ARHGAP11A: variants seen among roughly 807,000 people sequenced by gnomAD.
ARHGAP11A encodes rho GTPase-activating protein 11A.
ARHGAP11A carries 36 observed loss-of-function variants against 60.5 expected under a neutral mutation model. The observed-to-expected ratio is 0.59, with a 90% CI of 0.46 to 0.79. ARHGAP11A has a LOEUF of 0.79. Ranked by LOEUF, ARHGAP11A falls within the 30% of genes least tolerant of loss-of-function variation. ARHGAP11A has a pLI of 0.00. For synonymous variants in ARHGAP11A, 362 were observed against 415.5 expected, an observed-to-expected ratio of 0.87 and a Z score of 1.57; for missense variants, 1,071 against 1,199.2, an observed-to-expected ratio of 0.89 and a Z score of 1.58.
upstream of ARHGAP11A, chr15:32,615,452 G>T (rs2140432467): frequency 6.6e-6 from 1 of 151,994 alleles, no homozygotes. Context: ...CCAATCAGAT[G>T]TGGAGCGCTG....
At chr15:32,618,268 A>G (rs1232399792) in intron 1 of ARHGAP11A, among the ~76,000 whole-genome samples, 1 of 142,238 alleles carries the variant, frequency 7.0e-6, no homozygotes, top group Non-Finnish European at 1.6e-5. Context: ...TATTCTAAAT[A>G]ATAAGACTTA....
rs369362748 is a variant in ARHGAP11A at position 32,636,452 on chromosome 15, C to T, written c.1679C>T (p.Pro560Leu). The change falls in exon 12 of 12, where the codon CCT becomes CTT. Residue 560 changes from proline to leucine, a missense_variant. By Grantham distance (98) the Pro-to-Leu change is moderately conservative (BLOSUM62 -3). Around this residue, in one of 4 missense-constraint regions of ARHGAP11A, gnomAD observed 776 missense variants for 760.2 expected, o/e 1.02. Transcript: ENST00000361627. ...LEPDIMVEKSPATSCELTPSN... is the reference protein window; with the variant it reads ...LEPDIMVEKSLATSCELTPSN... ...CCTGATATTATGGTAGAAAAGTCAC[C>T]TGCTACTTCATGTGAACTCACCCCT... The T allele has an allele frequency of 5.6e-6, 9 of 1,613,778 alleles. No individual in the cohort carries two copies. The East Asian group carries it at 1.1e-4, about 20-fold the overall frequency.
chr15:32,619,550 GT>G (rs1371619925), intron 1 of ARHGAP11A, among the ~76,000 whole-genome samples: 4 of 151,600 alleles, frequency 2.6e-5, no homozygotes, highest in Non-Finnish European at 5.9e-5. Context: ...GCAGGGCATG[GT>G]TTGAAAAGCA....
At chr15:32,622,042 T>G (rs1201779125) in intron 2 of ARHGAP11A, among the ~76,000 whole-genome samples, 1 of 152,308 alleles carries the variant, frequency 6.6e-6, no homozygotes, top group East Asian at 1.9e-4. Flanking sequence ...GTAGATTCAC[T>G]GTCTTCTTAG....
At chr15:32,629,422 G>A (rs2053539315) in intron 7 of ARHGAP11A, among the ~76,000 whole-genome samples, 173 bp from the exon 8 acceptor site, 1 of 147,918 alleles carries the variant, frequency 6.8e-6, no homozygotes, top group African/African-American at 2.5e-5. Flanking sequence ...TTTCATTTAA[G>A]TAATTGCAGA....
chr15:32,622,990 A>G (rs1014274714), intron 2 of ARHGAP11A, among the ~76,000 whole-genome samples: 5 of 151,392 alleles, frequency 3.3e-5, no homozygotes, highest in Non-Finnish European at 5.9e-5. Context: ...AAACTAAAAG[A>G]GTAGTGAAAA....
At chr15:32,631,046 A>AT (rs970780459) in intron 8 of ARHGAP11A, among the ~76,000 whole-genome samples, 1 of 152,116 alleles carries the variant, frequency 6.6e-6, no homozygotes, top group African/African-American at 2.4e-5. Flanking sequence ...GTCTTGTGCT[A>AT]TTTTTAGTTT....
chr15:32,615,912 A>C lies in ARHGAP11A; in HGVS notation c.-300A>C. ...CGAGAAACCGAAAGAATCAGAAAGA[A>C]GTCTATGTGAGTAGCTGAAAGCATT... On this transcript the variant is annotated 5_prime_UTR_variant, in exon 1 of 12. Coordinates refer to ENST00000361627, the MANE Select transcript of ARHGAP11A (RefSeq NM_014783.6). The C allele has an allele frequency of 2.4e-6, 1 of 420,638 alleles. No homozygotes were observed. 26.1% of individuals were successfully genotyped at this position (420,638 alleles called of 1,614,324 possible).
intron 4 of ARHGAP11A, 23 bp downstream of exon 4, chr15:32,624,449 G>A (rs762100638): frequency 3.1e-6 from 5 of 1,598,152 alleles, no homozygotes; most frequent in Non-Finnish European, 3.4e-6. Context: ...TAAAACTCTT[G>A]GCAAATAATA....
At chr15:32,624,827 A>G (rs966605802) in intron 4 of ARHGAP11A, among the ~76,000 whole-genome samples, 4 of 151,436 alleles carry the variant, frequency 2.6e-5, no homozygotes, top group Admixed American at 2.0e-4. Context: ...TCAGATAAAG[A>G]TGTTCAATTT....
intron 1 of ARHGAP11A, among the ~76,000 whole-genome samples, chr15:32,618,067 A>T (rs181297563): frequency 5.7e-4 from 87 of 152,340 alleles, no homozygotes; most frequent in African/African-American, 2.0e-3. Flanking sequence ...ATGCCATATA[A>T]ATTCAGCTAG....
At chr15:32,635,968 CT>C (rs1431350240) in intron 11 of ARHGAP11A, 53 bp downstream of exon 11, 5 of 1,522,482 alleles carry the variant, frequency 3.3e-6, no homozygotes, top group South Asian at 2.6e-5. Flanking sequence ...GCTTTAGTTG[CT>C]TTTTTAATGG....
rs1011658165 is a variant in ARHGAP11A at position 32,638,692 on chromosome 15, C to G, written c.*847C>G. The G allele has an allele frequency of 2.0e-5, 3 of 152,498 alleles. No homozygotes were observed. The highest frequency in any genetic ancestry group is 7.2e-5 in the African/African-American group (3 of 41,386). The allele number at this position is 152,498 out of a possible 1,614,324, so 9.4% of individuals were successfully genotyped here. On this transcript the variant is annotated 3_prime_UTR_variant, in exon 12 of 12. Coordinates refer to ENST00000361627, the MANE Select transcript of ARHGAP11A (RefSeq NM_014783.6). ...AGTGCCAGTAGGTGTACCTTGTGTT[C>G]ACTCGAACTAAGAACAATGGTTAAG...
In ARHGAP11A at chr15:32,638,809, C is replaced by G. The variant is rs2053783933; in HGVS notation, c.*964C>G. ...ACTATGTTTTTAAAGATAATTTGCA[C>G]AAACACGTTTGTGTCTGTTCTGTCC... is the stretch of plus-strand genomic sequence containing the variant. On this transcript the variant is annotated 3_prime_UTR_variant, in exon 12 of 12. Coordinates refer to ENST00000361627, the MANE Select transcript of ARHGAP11A (RefSeq NM_014783.6). The G allele has an allele frequency of 1.3e-5, 2 of 152,450 alleles. 1 individual carries two copies. The highest frequency in any genetic ancestry group is 4.2e-4 in the South Asian group (2 of 4,816). The allele number at this position is 152,450 out of a possible 1,614,324, so 9.4% of individuals were successfully genotyped here.
intron 1 of ARHGAP11A, among the ~76,000 whole-genome samples, chr15:32,618,670 T>A (rs2140439478): frequency 6.6e-6 from 1 of 152,050 alleles, no homozygotes; most frequent in Non-Finnish European, 1.5e-5. Context: ...GTGCGATGGC[T>A]CACGCCTGTA....
In ARHGAP11A at chr15:32,638,815, C is replaced by G. The variant is rs1433230911; in HGVS notation, c.*970C>G. Reference sequence around the variant, plus strand: ...TTTTTAAAGATAATTTGCACAAACACGTTTGTGTCTGTTCTGTCCAATATA... The same window carrying G: ...TTTTTAAAGATAATTTGCACAAACAGGTTTGTGTCTGTTCTGTCCAATATA... On this transcript the variant is annotated 3_prime_UTR_variant, in exon 12 of 12. Transcript: ENST00000361627. The G allele has an allele frequency of 1.3e-5, 2 of 152,302 alleles. No individual in the cohort carries two copies. Among genetic ancestry groups the G allele is most frequent in the African/African-American group, 2.4e-5 (1 of 41,326 alleles). 9.4% of individuals were successfully genotyped at this position (152,302 alleles called of 1,614,324 possible). A position where few individuals can be genotyped will look rare whatever the true frequency, so the allele number is the denominator to read the frequency against.
In ARHGAP11A at chr15:32,639,027, A is replaced by T. The variant is rs550982854; in HGVS notation, c.*1182A>T. 4 of 152,808 alleles carry T rather than the reference A, an allele frequency of 2.6e-5. No homozygotes were observed. The South Asian group carries it at 6.2e-4, about 24-fold the overall frequency. The allele number at this position is 152,808 out of a possible 1,614,324, so 9.5% of individuals were successfully genotyped here. ...TATTTATTTAGCATAGACATTAAAG[A>T]TAACTCTCTGGAAAATGACTTGACT... On this transcript the variant is annotated 3_prime_UTR_variant, in exon 12 of 12. Transcript: ENST00000361627.
At chr15:32,628,652 C>T in intron 6 of ARHGAP11A, 76 bp from the exon 7 acceptor site, 1 of 1,164,640 alleles carries the variant, frequency 8.6e-7, no homozygotes, top group Non-Finnish European at 1.2e-6. Flanking sequence ...TGAAAGAAGA[C>T]TGCAAATATT....
chr15:32,616,014 T>A lies in ARHGAP11A; in HGVS notation c.-198T>A, dbSNP rs1257963723. ...GGATCAAAGGGCTAAGAGAAGCGGGTCTGTGTAAGTGGATGTGAGTGAGGA... is the reference window on the plus strand; with the variant it reads ...GGATCAAAGGGCTAAGAGAAGCGGGACTGTGTAAGTGGATGTGAGTGAGGA... On this transcript the variant is annotated 5_prime_UTR_variant, in exon 1 of 12. Transcript: ENST00000361627. The A allele has an allele frequency of 1.5e-6, 1 of 662,370 alleles. No homozygotes were observed. The highest frequency in any genetic ancestry group is 2.5e-6 in the Non-Finnish European group (1 of 401,166). The allele number at this position is 662,370 out of a possible 1,614,324, so 41.0% of individuals were successfully genotyped here.
Sources: allele counts gnomAD v4.1 joint callset (sites outside exome capture counted in the v4.1 genomes callset), GRCh38; gene constraint gnomAD v4.1.1; regional missense constraint gnomAD v4.1.1; transcripts MANE v1.5; gene names NCBI Gene and HGNC (gene_info 2026-07-23, HGNC 2026-07-21).